PREP: variants seen among roughly 807,000 people sequenced by gnomAD.
PREP encodes dJ355L5.1 (prolyl endopeptidase).
PREP carries 29 observed loss-of-function variants against 87.6 expected under a neutral mutation model. The ratio of observed to expected loss-of-function variants is 0.33; its 90% CI spans 0.25 to 0.45. The LOEUF (loss-of-function observed/expected upper bound fraction) is 0.45. Ranked by LOEUF, PREP falls within the 20% of genes least tolerant of loss-of-function variation. The probability of loss-of-function intolerance (pLI) is 1.00; values close to 1 mark genes in which losing one functional copy is unlikely to be tolerated. For synonymous variants in PREP, 337 were observed against 328.6 expected, an observed-to-expected ratio of 1.03 and a Z score of -0.28; for missense variants, 695 against 886.5, an observed-to-expected ratio of 0.78 and a Z score of 2.74.
chr6:105,309,120 G>C (rs1770707736), intron 10 of PREP, among the ~76,000 whole-genome samples: 1 of 152,146 alleles, frequency 6.6e-6, no homozygotes, highest in Non-Finnish European at 1.5e-5. Flanking sequence ...GAGTGAGGGA[G>C]AGGGCAGGGG....
At position 105,376,225 on chromosome 6, in the gene PREP, C is replaced by T. The variant is rs1772683191; in HGVS notation, c.285G>A (p.Gln95=). 1.2e-6 allele frequency: 2 copies of T among 1,613,650 alleles called. No homozygotes were observed. The highest frequency in any genetic ancestry group is 2.7e-5 in the African/African-American group (2 of 75,034). The change falls in exon 4 of 15, where the codon CAG becomes CAA. Residue 95 remains glutamine, a synonymous_variant. Coordinates refer to ENST00000652536, the MANE Select transcript of PREP (RefSeq NM_002726.5). ...CCTGTACATATAATACTCGCTGGTT[C>T]TGCAAACCTGTATTGTAAAAATAAA... ...RYFYFYNTGL[Q]NQRVLYVQDS...
At chr6:105,304,482 A>AT (rs1284125412) in intron 10 of PREP, among the ~76,000 whole-genome samples, 1 of 152,206 alleles carries the variant, frequency 6.6e-6, no homozygotes, top group Admixed American at 6.5e-5. Flanking sequence ...TTCTGGCTCC[A>AT]TACTGTATGC....
At chr6:105,283,198 A>G (rs1770119642) in intron 12 of PREP, among the ~76,000 whole-genome samples, 1 of 152,250 alleles carries the variant, frequency 6.6e-6, no homozygotes, top group Non-Finnish European at 1.5e-5. Context: ...GTTGCGGCAG[A>G]GCATCACATT....
rs1469779725 is a variant in PREP, at chr6:105,275,663, C to A, written c.*2481G>T. On this transcript the variant is annotated 3_prime_UTR_variant, in exon 15 of 15. Transcript: ENST00000652536. ...TCTACTGCAGCACTATCCACAACAG[C>A]CAAGATAGGGAATCAACCCACGTGC... Among the ~76,000 whole-genome samples the A allele has an allele frequency of 6.6e-6, 1 of 152,128 alleles. No individual in the cohort carries two copies. Among genetic ancestry groups the A allele is most frequent in the Non-Finnish European group, 1.5e-5 (1 of 68,028 alleles).
chr6:105,346,820 G>A (rs558983350), intron 7 of PREP, among the ~76,000 whole-genome samples: 9 of 152,354 alleles, frequency 5.9e-5, no homozygotes, highest in Admixed American at 4.6e-4. Context: ...TTAAATGTAG[G>A]TCGGGTGCAG....
intron 7 of PREP, among the ~76,000 whole-genome samples, chr6:105,341,201 T>A (rs1486899299): frequency 6.6e-6 from 1 of 152,136 alleles, no homozygotes; most frequent in Non-Finnish European, 1.5e-5. Context: ...CAGACCAAAG[T>A]GAAATCAAAT....
chr6:105,376,494 G>A (rs548712552), intron 3 of PREP, among the ~76,000 whole-genome samples: 2 of 152,272 alleles, frequency 1.3e-5, no homozygotes, highest in African/African-American at 4.8e-5. Flanking sequence ...CACATTAGCC[G>A]AGTAGAGGCA....
chr6:105,397,284 C>T (rs1264701618), intron 2 of PREP, among the ~76,000 whole-genome samples: 1 of 151,782 alleles, frequency 6.6e-6, no homozygotes, highest in African/African-American at 2.4e-5. Flanking sequence ...ACCTTCATTA[C>T]TGAATGGACT....
At chr6:105,344,374 C>A (rs1771742973) in intron 7 of PREP, among the ~76,000 whole-genome samples, 1 of 151,982 alleles carries the variant, frequency 6.6e-6, no homozygotes, top group South Asian at 2.1e-4. Context: ...CGCCTGTAGT[C>A]CCAGCTACTC....
intron 8 of PREP, among the ~76,000 whole-genome samples, chr6:105,331,136 G>A (rs1275154273): frequency 2.6e-5 from 4 of 152,204 alleles, no homozygotes; most frequent in African/African-American, 9.6e-5. Context: ...TGTACTTTAT[G>A]ACTCATCTCT....
At chr6:105,307,849 G>T (rs1770685942) in intron 10 of PREP, among the ~76,000 whole-genome samples, 1 of 152,094 alleles carries the variant, frequency 6.6e-6, no homozygotes, top group African/African-American at 2.4e-5. Context: ...CTGATCTCAG[G>T]TGATCTGCCC....
At chr6:105,302,547 T>C (rs984669817) in intron 10 of PREP, 10 of 397,182 alleles carry the variant, frequency 2.5e-5, no homozygotes, top group Admixed American at 6.6e-5. Context: ...GCTGGGCCAG[T>C]GGCGCAGGCG....
intron 10 of PREP, among the ~76,000 whole-genome samples, chr6:105,305,202 G>A (rs1770628935): frequency 6.6e-6 from 1 of 152,170 alleles, no homozygotes; most frequent in Admixed American, 6.5e-5. Flanking sequence ...TAGAACAGAA[G>A]AGAACTGTGC....
At chr6:105,380,336 T>TAAGGCCA (rs1583097496) in intron 2 of PREP, among the ~76,000 whole-genome samples, 1 of 152,066 alleles carries the variant, frequency 6.6e-6, no homozygotes, top group East Asian at 2.0e-4. Context: ...GGGAATGAGC[T>TAAGGCCA]GAGGCCAGAC....
At chr6:105,357,914 T>TTG (rs1554209627) in intron 6 of PREP, among the ~76,000 whole-genome samples, 100 of 132,138 alleles carry the variant, frequency 7.6e-4, no homozygotes, top group African/African-American at 2.8e-3. Context: ...AACAATACTG[T>TTG]TTTTTTTTTT....
intron 8 of PREP, 146 bp downstream of exon 8, chr6:105,333,168 G>C (rs777461653): frequency 1.1e-4 from 78 of 700,318 alleles, no homozygotes; most frequent in Non-Finnish European, 1.8e-4. Flanking sequence ...AAACTTGGAT[G>C]AACTATTTAG....
chr6:105,373,664 A>G, intron 4 of PREP, 86 bp from the exon 5 acceptor site: 1 of 1,287,892 alleles, frequency 7.8e-7, no homozygotes, highest in East Asian at 2.4e-5. Context: ...GCTCTCTTTC[A>G]TAACACGGAG....
intron 7 of PREP, among the ~76,000 whole-genome samples, chr6:105,338,414 C>T (rs189880364): frequency 9.8e-5 from 15 of 152,290 alleles, no homozygotes; most frequent in African/African-American, 3.6e-4. Context: ...ATTCAAGCTC[C>T]AAGAGGGAGG....
At chr6:105,386,788 A>T (rs1460783466) in intron 2 of PREP, among the ~76,000 whole-genome samples, 4 of 152,198 alleles carry the variant, frequency 2.6e-5, no homozygotes, top group African/African-American at 4.8e-5. Flanking sequence ...CTGAAATCCA[A>T]TGCTCCAGAC....
Sources: allele counts gnomAD v4.1 joint callset (sites outside exome capture counted in the v4.1 genomes callset), GRCh38; gene constraint gnomAD v4.1.1; transcripts MANE v1.5; gene names NCBI Gene and HGNC (gene_info 2026-07-23, HGNC 2026-07-21).